Variants in PPP6R3 observed in about 807,000 individuals in gnomAD.
PPP6R3 encodes the protein serine/threonine-protein phosphatase 6 regulatory subunit 3.
Under a neutral mutation model 110.7 loss-of-function variants are expected in PPP6R3, and 38 were observed. That is an observed-to-expected ratio of 0.34 (90% CI 0.26 to 0.45). The LOEUF (loss-of-function observed/expected upper bound fraction) is 0.45. Ranked by LOEUF, PPP6R3 falls within the 20% of genes least tolerant of loss-of-function variation. The probability of loss-of-function intolerance (pLI) is 1.00; values close to 1 mark genes in which losing one functional copy is unlikely to be tolerated. For synonymous variants in PPP6R3, 369 were observed against 373.5 expected, an observed-to-expected ratio of 0.99 and a Z score of 0.14; for missense variants, 870 against 1,062.4, an observed-to-expected ratio of 0.82 and a Z score of 2.52.
At chr11:68,575,909 G>A (rs748760259) in intron 13 of PPP6R3, 49 bp from the exon 14 acceptor site, 20 of 1,379,636 alleles carry the variant, frequency 1.4e-5, no homozygotes, top group African/African-American at 2.9e-5. Flanking sequence ...ATTTGTCTCC[G>A]TGGAGGTCAT....
chr11:68,587,692 T>C (rs1414371420), intron 15 of PPP6R3: 1 of 581,920 alleles, frequency 1.7e-6, no homozygotes, highest in African/African-American at 1.9e-5. Context: ...AGTGGTCACA[T>C]AGTGTTTCTT....
chr11:68,516,628 C>T (rs1195573277), intron 1 of PPP6R3, among the ~76,000 whole-genome samples: 1 of 152,184 alleles, frequency 6.6e-6, no homozygotes, highest in Admixed American at 6.5e-5. Context: ...CATGTTTTAG[C>T]TGTTGTGAGT....
intron 1 of PPP6R3, among the ~76,000 whole-genome samples, chr11:68,477,006 A>G (rs961282097): frequency 9.9e-5 from 15 of 151,824 alleles, no homozygotes; most frequent in African/African-American, 3.6e-4. Flanking sequence ...TCCAGCCTAG[A>G]TGACAGAGTA....
intron 1 of PPP6R3, among the ~76,000 whole-genome samples, chr11:68,472,274 C>A (rs959208054): frequency 6.6e-6 from 1 of 152,074 alleles, no homozygotes; most frequent in Non-Finnish European, 1.5e-5. Context: ...CACATTGGTG[C>A]GTGTGGTTGT....
chr11:68,567,049 T>C lies in PPP6R3; in HGVS notation c.1011T>C (p.Asp337=), dbSNP rs1358653219. The change falls in exon 10 of 24, where the codon GAT becomes GAC. Residue 337 remains aspartate, a synonymous_variant. Coordinates refer to ENST00000393800, the MANE Select transcript of PPP6R3 (RefSeq NM_001164161.2). ...SVMKTTWGVL[D]PPVGNTRLNV... ...TGAAGACCACATGGGGTGTGCTGGA[T>C]CCTCCTGTGGGGAATACCCGGTTGA... is the stretch of plus-strand genomic sequence containing the variant. The C allele has an allele frequency of 4.5e-6, 7 of 1,551,398 alleles. No homozygotes were observed. In the East Asian group the frequency reaches 1.2e-4, roughly 27 times the overall value.
intron 23 of PPP6R3, among the ~76,000 whole-genome samples, chr11:68,610,807 G>A (rs1247327578): frequency 6.6e-6 from 1 of 152,088 alleles, no homozygotes; most frequent in Non-Finnish European, 1.5e-5. Flanking sequence ...GGAATAAAAT[G>A]ACCTTTAAAG....
At chr11:68,489,107 C>T (rs1384967224) in intron 1 of PPP6R3, among the ~76,000 whole-genome samples, 1 of 148,538 alleles carries the variant, frequency 6.7e-6, no homozygotes, top group Non-Finnish European at 1.5e-5. Context: ...CAAGCTCTGC[C>T]TCCTGGGTTC....
In PPP6R3 at chr11:68,558,699, T is replaced by C. The variant is rs1048198769; in HGVS notation, c.845+20T>C. 15 of 1,541,188 alleles carry C rather than the reference T, an allele frequency of 9.7e-6. No homozygotes were observed. In the East Asian group the frequency reaches 1.4e-4, roughly 14 times the overall value. ...ACCAACGTAAGCTTTTCTTATATCTTACAAAATGAACCATGTTGTTTTGCT... is the reference window on the plus strand; with the variant it reads ...ACCAACGTAAGCTTTTCTTATATCTCACAAAATGAACCATGTTGTTTTGCT... On this transcript the variant is annotated intron_variant, in intron 8 of 23. Coordinates refer to ENST00000393800, the MANE Select transcript of PPP6R3 (RefSeq NM_001164161.2).
intron 14 of PPP6R3, among the ~76,000 whole-genome samples, chr11:68,580,746 C>CTTTTTTTTTTTT (rs71043441): frequency 1.2e-4 from 8 of 67,530 alleles, no homozygotes; most frequent in African/African-American, 1.5e-4. Flanking sequence ...GGTAAATAAT[C>CTTTTTTTTTTTT]TTTTTTTTTT....
chr11:68,471,913 G>C (rs1400046115), intron 1 of PPP6R3, among the ~76,000 whole-genome samples: 2 of 151,870 alleles, frequency 1.3e-5, no homozygotes, highest in African/African-American at 2.4e-5. Context: ...GTGGACGTTG[G>C]CTTTTTTTTT....
At chr11:68,606,624 C>G (rs1241411898) in intron 22 of PPP6R3, among the ~76,000 whole-genome samples, 1 of 151,984 alleles carries the variant, frequency 6.6e-6, no homozygotes, top group Non-Finnish European at 1.5e-5. Flanking sequence ...CAATGAATTT[C>G]ATTAACTTGG....
chr11:68,577,791 CT>C (rs2099537690), intron 14 of PPP6R3, among the ~76,000 whole-genome samples: 1 of 152,222 alleles, frequency 6.6e-6, no homozygotes, highest in South Asian at 2.1e-4. Context: ...TGGGCTCCAT[CT>C]GTCACTCAGA....
chr11:68,528,281 G>A (rs1054588592), intron 2 of PPP6R3, among the ~76,000 whole-genome samples: 15 of 152,126 alleles, frequency 9.9e-5, no homozygotes, highest in Non-Finnish European at 2.2e-4. Context: ...TGGAATACCT[G>A]GGTGGTAGAA....
At chr11:68,490,964 G>A (rs550640820) in intron 1 of PPP6R3, among the ~76,000 whole-genome samples, 2 of 152,206 alleles carry the variant, frequency 1.3e-5, no homozygotes, top group South Asian at 2.1e-4. Flanking sequence ...AGGCAGGCAG[G>A]TTGCTTGACT....
intron 3 of PPP6R3, among the ~76,000 whole-genome samples, chr11:68,540,724 G>A (rs544463364): frequency 5.9e-5 from 9 of 152,196 alleles, no homozygotes; most frequent in Non-Finnish European, 1.0e-4. Flanking sequence ...CCCCAGGTGC[G>A]CATTCTCTTT....
Position 68,603,331 on chromosome 11 carries a change from GTTC to G in PPP6R3, c.2300-8_2300-6del. ...CTTGCTGTGTGTGACCATCAGCTGT[GTTC>G]TTTTCAGCGGCAGGCAGTGTGGCCA... is the stretch of plus-strand genomic sequence containing the variant. On this transcript the variant is annotated splice_region_variant and splice_polypyrimidine_tract_variant and intron_variant, in intron 21 of 23. Transcript: ENST00000393800. The G allele has an allele frequency of 6.2e-7, 1 of 1,613,536 alleles. No individual in the cohort carries two copies. The highest frequency in any genetic ancestry group is 2.2e-5 in the East Asian group (1 of 44,848).
At chr11:68,530,116 G>C (rs559256759) in intron 2 of PPP6R3, among the ~76,000 whole-genome samples, 32 of 152,294 alleles carry the variant, frequency 2.1e-4, no homozygotes, top group African/African-American at 7.7e-4. Context: ...AATGTCATTA[G>C]TTGTTTTTTA....
chr11:68,495,039 C>G (rs1208760285), intron 1 of PPP6R3, among the ~76,000 whole-genome samples: 1 of 151,736 alleles, frequency 6.6e-6, no homozygotes, highest in Non-Finnish European at 1.5e-5. Context: ...AAAGTAGTAG[C>G]CATTGTGATG....
chr11:68,478,646 A>ATTTTTTTTTTTTT (rs1565292839), intron 1 of PPP6R3, among the ~76,000 whole-genome samples: 2 of 10,760 alleles, frequency 1.9e-4, no homozygotes, highest in Non-Finnish European at 4.0e-4. Context: ...GCACTTGGTA[A>ATTTTTTTTTTTTT]GTTTTTTTTT....
Sources: gnomAD v4.1 joint callset for allele counts (sites outside exome capture counted in the v4.1 genomes callset) on GRCh38, gnomAD v4.1.1 for gene constraint, MANE v1.5 for transcripts, NCBI Gene and HGNC (gene_info 2026-07-23, HGNC 2026-07-21) for gene names.